Variants in RAB44 observed in about 807,000 individuals in gnomAD.
RAB44 encodes RAB44, member RAS oncogene family.
Under a neutral mutation model 93.3 loss-of-function variants are expected in RAB44, and 67 were observed. The ratio of observed to expected loss-of-function variants is 0.72; its 90% CI spans 0.59 to 0.88. The LOEUF is 0.88. Among genes scored for constraint, RAB44 ranks in the 40% least tolerant of loss-of-function variants. The pLI, the probability that RAB44 is intolerant of heterozygous loss-of-function variation, is 0.00. For missense variants in RAB44, 1,064 were observed against 1,261.7 expected, an observed-to-expected ratio of 0.84 and a Z score of 2.37; for synonymous variants, 427 against 520.3, an observed-to-expected ratio of 0.82 and a Z score of 2.44.
chr6:36,722,584 C>T lies in RAB44; in HGVS notation c.2450C>T (p.Pro817Leu), dbSNP rs780185823. ...DSREAGLTPS[P>L]GDPMAGGGPQ... The stretch of plus-strand genomic sequence containing the variant: ...AGGGAAGCTGGGCTGACCCCATCCC[C>T]GGGAGACCCCATGGCTGGAGGGGGA... The change falls in exon 9 of 14, where the codon CCG (proline) becomes CTG (leucine). Residue 817 changes from proline (P) to leucine (L), a missense_variant. Pro to Leu is a moderately conservative substitution (Grantham distance 98). Coordinates refer to ENST00000612677, the MANE Select transcript of RAB44 (RefSeq NM_001257357.2). The T allele has an allele frequency of 1.6e-4, 244 of 1,550,334 alleles. No homozygotes were observed. In the African/African-American group the frequency reaches 2.7e-3, roughly 17 times the overall value.
chr6:36,710,346 A>T (rs149869627), intron 2 of RAB44, among the ~76,000 whole-genome samples: 32 of 152,312 alleles, frequency 2.1e-4, no homozygotes, highest in Non-Finnish European at 3.2e-4. Flanking sequence ...GAATGTCCTC[A>T]AGGTTTATCT....
chr6:36,724,652 T>TCAACCAACCAAC lies in RAB44; in HGVS notation c.2600-1175_2600-1164dup, dbSNP rs76700851. 7.7e-3 allele frequency among the ~76,000 whole-genome samples: 1,144 copies of TCAACCAACCAAC among 148,928 alleles called. 7 individuals carry two copies. Among genetic ancestry groups the TCAACCAACCAAC allele is most frequent in the African/African-American group, 0.02 (819 of 40,162 alleles). On this transcript the variant is annotated intron_variant, in intron 9 of 13. Coordinates refer to ENST00000612677, the MANE Select transcript of RAB44 (RefSeq NM_001257357.2). Reference sequence around the variant, plus strand: ...CATAATCGTGAAACCAACCAACCAATCAACCAACCAACCAACCAACCAACC... The same window carrying TCAACCAACCAAC: ...CATAATCGTGAAACCAACCAACCAATCAACCAACCAACCAACCAACCAACCAACCAACCAACC...
chr6:36,706,184 G>A (rs1582613087), intron 2 of RAB44, among the ~76,000 whole-genome samples: 1 of 152,034 alleles, frequency 6.6e-6, no homozygotes, highest in Non-Finnish European at 1.5e-5. Flanking sequence ...ACAGGTGTGA[G>A]CTGCCATGCC....
At chr6:36,727,731 GTCAA>G in intron 11 of RAB44, 40 bp downstream of exon 11, 4 of 1,296,760 alleles carry the variant, frequency 3.1e-6, no homozygotes, top group Non-Finnish European at 4.4e-6. Context: ...AGTCCCTCCA[GTCAA>G]GAGGGATCTT....
Position 36,704,235 on chromosome 6 carries a change from C to A in RAB44, c.-1C>A. The A allele has an allele frequency of 1.3e-6, 2 of 1,535,916 alleles. No homozygotes were observed. Among genetic ancestry groups the A allele is most frequent in the Non-Finnish European group, 1.7e-6 (2 of 1,146,762 alleles). On this transcript the variant is annotated 5_prime_UTR_variant, in exon 2 of 14. Coordinates refer to ENST00000612677, the MANE Select transcript of RAB44 (RefSeq NM_001257357.2). ...TCCTCTGTCCCCAGGGCCAACGCACCATGGAGACTGGACAGAGAACATCTC... is the reference window on the plus strand; with the variant it reads ...TCCTCTGTCCCCAGGGCCAACGCACAATGGAGACTGGACAGAGAACATCTC...
intron 2 of RAB44, among the ~76,000 whole-genome samples, chr6:36,705,529 C>T (rs1321894446): frequency 2.0e-5 from 3 of 151,954 alleles, no homozygotes; most frequent in Non-Finnish European, 4.4e-5. Context: ...ATTACCTGCA[C>T]CCACTACCAC....
Position 36,722,297 on chromosome 6 carries a change from A to G in RAB44, c.2163A>G (p.Pro721=). The G allele has an allele frequency of 7.6e-7, 1 of 1,308,486 alleles. No homozygotes were observed. The highest frequency in any genetic ancestry group is 2.8e-5 in the East Asian group (1 of 35,244). The allele number at this position is 1,308,486 out of a possible 1,614,324, so 81.1% of individuals were successfully genotyped here. A position where few individuals can be genotyped will look rare whatever the true frequency, so the allele number is the denominator to read the frequency against. ...PQQDSLLVSL[P]SATPQAQVEA... is the part of the protein sequence containing the mutation. ...AAGACTCTCTGCTTGTTTCTCTCCC[A>G]TCTGCCACACCACAGGCTCAGGTGG... The change falls in exon 9 of 14, where the codon CCA becomes CCG. Residue 721 remains proline, a synonymous_variant. Transcript: ENST00000612677.
In RAB44 at chr6:36,722,161, C is replaced by G. The variant is rs1307078712; in HGVS notation, c.2027C>G (p.Ser676Cys). 22 of 1,237,212 alleles carry G rather than the reference C, an allele frequency of 1.8e-5. No homozygotes were observed. The East Asian group carries it at 6.9e-4, about 39-fold the overall frequency. 76.6% of individuals were successfully genotyped at this position (1,237,212 alleles called of 1,614,324 possible). Residue 676 changes from serine to cysteine, a missense_variant, in exon 9 of 14, where the codon TCT becomes TGT. Physicochemically the swap from Ser to Cys is moderately radical, Grantham distance 112. Coordinates refer to ENST00000612677, the MANE Select transcript of RAB44 (RefSeq NM_001257357.2). ...CAGGAGCTGGAAGAGGAACCCAGGT[C>G]TGAGGAAGGAAAACAAGAGGGCAGA... ...PHQELEEEPR[S>C]EEGKQEGRGG...
At chr6:36,726,934 G>C (rs1466927002) in intron 10 of RAB44, among the ~76,000 whole-genome samples, 1 of 151,114 alleles carries the variant, frequency 6.6e-6, no homozygotes, top group African/African-American at 2.4e-5. Context: ...CTGAGGAGCT[G>C]GGACTACAGA....
At chr6:36,715,921 C>T (rs1390962895) in intron 4 of RAB44, among the ~76,000 whole-genome samples, 4 of 152,190 alleles carry the variant, frequency 2.6e-5, no homozygotes, top group African/African-American at 9.7e-5. Flanking sequence ...CCCACCCCTG[C>T]ACCTCCCGGC....
chr6:36,699,538 C>T (rs996735108), intron 1 of RAB44, among the ~76,000 whole-genome samples: 7 of 152,182 alleles, frequency 4.6e-5, no homozygotes, highest in Non-Finnish European at 7.3e-5. Context: ...AGCCTGTCAA[C>T]GCCCACCCCG....
chr6:36,730,325 C>A (rs1232003536), intron 12 of RAB44, among the ~76,000 whole-genome samples: 2 of 152,136 alleles, frequency 1.3e-5, no homozygotes, highest in Non-Finnish European at 2.9e-5. Flanking sequence ...CCAATATTCC[C>A]CCAATGAAAT....
At chr6:36,714,886 C>G (rs1372991798) in intron 3 of RAB44, among the ~76,000 whole-genome samples, 1 of 152,228 alleles carries the variant, frequency 6.6e-6, no homozygotes, top group Non-Finnish European at 1.5e-5. Flanking sequence ...TCTTGCTAGC[C>G]TGGCTCCTGC....
intron 7 of RAB44, among the ~76,000 whole-genome samples, 182 bp downstream of exon 7, chr6:36,718,770 A>C (rs550520346): frequency 6.6e-6 from 1 of 152,302 alleles, no homozygotes; most frequent in African/African-American, 2.4e-5. Context: ...TTTGTGCCTC[A>C]GTTGTTCCAT....
At chr6:36,718,455 A>G (rs1461907824) in intron 6 of RAB44, 38 bp from the exon 7 acceptor site, 1 of 1,084,568 alleles carries the variant, frequency 9.2e-7, no homozygotes, top group Non-Finnish European at 1.2e-6. Context: ...TAGCTCTTAG[A>G]GTCTGCAGGG....
intron 9 of RAB44, among the ~76,000 whole-genome samples, chr6:36,723,382 C>T (rs1012857350): frequency 1.3e-5 from 2 of 152,114 alleles, no homozygotes; most frequent in African/African-American, 2.4e-5. Context: ...GTAGTGAGTA[C>T]TCAGTAAGTA....
intron 10 of RAB44, 99 bp downstream of exon 10, chr6:36,726,042 G>T: frequency 1.1e-6 from 1 of 902,282 alleles, no homozygotes; most frequent in Non-Finnish European, 1.8e-6. Flanking sequence ...GGAGGCAACT[G>T]CCCCCCAAGG....
chr6:36,720,498 C>T lies in RAB44; in HGVS notation c.964C>T (p.Arg322Cys), dbSNP rs765743466. Residue 322 changes from arginine to cysteine, a missense_variant, in exon 8 of 14, where the codon CGC becomes TGC. Arg to Cys is a radical substitution (Grantham distance 180). Coordinates refer to ENST00000612677, the MANE Select transcript of RAB44 (RefSeq NM_001257357.2). ...VRGQLQVTRG[R>C]LDAARGRVSW... ...GGGGCAGCTGCAGGTGACCAGGGGG[C>T]GCCTGGACGCCGCCAGGGGCCGGGT... The T allele has an allele frequency of 2.3e-4, 287 of 1,233,186 alleles. No homozygotes were observed. Among genetic ancestry groups the T allele is most frequent in the Non-Finnish European group, 2.6e-4 (256 of 988,248 alleles). The allele number at this position is 1,233,186 out of a possible 1,614,324, so 76.4% of individuals were successfully genotyped here.
Position 36,728,699 on chromosome 6 carries a change from G to A in RAB44, c.2797-1G>A, listed in dbSNP as rs1763293168. The A allele has an allele frequency of 6.5e-7, 1 of 1,550,198 alleles. No homozygotes were observed. The highest frequency in any genetic ancestry group is 8.7e-7 in the Non-Finnish European group (1 of 1,146,734). ...GCTGACAGAACATGTTCTGTGTGCA[G>A]GATGCAGGGTCGGATGGGGTGGTCA... On this transcript the variant is annotated splice_acceptor_variant, in intron 11 of 13. Transcript: ENST00000612677. LOFTEE classifies it high-confidence loss of function.
Sources: allele counts gnomAD v4.1 joint callset (sites outside exome capture counted in the v4.1 genomes callset), GRCh38; gene constraint gnomAD v4.1.1; transcripts MANE v1.5; gene names NCBI Gene and HGNC (gene_info 2026-07-23, HGNC 2026-07-21).